CKAP2L: variants seen among roughly 807,000 people sequenced by gnomAD.
CKAP2L encodes the protein cytoskeleton-associated protein 2-like.
CKAP2L carries 42 observed loss-of-function variants against 65.7 expected under a neutral mutation model. That is an observed-to-expected ratio of 0.64 (90% CI 0.50 to 0.83). The LOEUF (loss-of-function observed/expected upper bound fraction) is 0.83. Ranked by LOEUF, CKAP2L falls within the 40% of genes least tolerant of loss-of-function variation. CKAP2L has a pLI of 0.00. For missense variants in CKAP2L, 908 were observed against 871.0 expected (o/e 1.04, Z -0.53); for synonymous variants, 325 against 313.5 (o/e 1.04, Z -0.39).
At chr2:112,759,719 TCA>T (rs1190571995) in intron 3 of CKAP2L, among the ~76,000 whole-genome samples, 4 of 152,186 alleles carry the variant, frequency 2.6e-5, no homozygotes, top group African/African-American at 4.8e-5. Flanking sequence ...TTGCTATCCT[TCA>T]CAGTGTCTAA....
rs567297939 is a variant in CKAP2L, at chr2:112,762,961, T to A, written c.38-392A>T. On this transcript the variant is annotated intron_variant, in intron 1 of 8. Coordinates refer to ENST00000302450, the MANE Select transcript of CKAP2L (RefSeq NM_152515.5). ...ACCATGCTGGATAATTTTAAAAAAATTTTTTGTAGAGACAGGATCTCACTA... is the reference window on the plus strand; with the variant it reads ...ACCATGCTGGATAATTTTAAAAAAAATTTTTGTAGAGACAGGATCTCACTA... Among the ~76,000 whole-genome samples, 12 of 152,128 alleles carry A rather than the reference T, an allele frequency of 7.9e-5. No homozygotes were observed. The South Asian group carries it at 1.5e-3, about 18-fold the overall frequency.
rs1680555904 is a variant in CKAP2L, at chr2:112,756,807, C to G, written c.564G>C (p.Leu188Phe). The G allele has an allele frequency of 6.2e-6, 10 of 1,602,222 alleles. No homozygotes were observed. Among genetic ancestry groups the G allele is most frequent in the Non-Finnish European group, 8.5e-6 (10 of 1,176,754 alleles). Residue 188 changes from leucine (L) to phenylalanine (F), a missense_variant, in exon 4 of 9, where the codon TTG becomes TTC. Leu to Phe is a conservative substitution (Grantham distance 22). Coordinates refer to ENST00000302450, the MANE Select transcript of CKAP2L (RefSeq NM_152515.5). ...NFLKETNKEN[L>F]LDILTEPERK... ...TCTCAGGTTCTGTTAAGATATCGAG[C>G]AAGTTCTCTTTGTTTGTTTCTTTTA...
At position 112,737,890 on chromosome 2, in the gene CKAP2L, T is replaced by G. The variant is rs901910234; in HGVS notation, c.*933A>C. ...AGCAGGAACTAATAGAAATTTAATG[T>G]TGTTTTAAGATAATACTTAAATATT... On this transcript the variant is annotated 3_prime_UTR_variant, in exon 9 of 9. Coordinates refer to ENST00000302450, the MANE Select transcript of CKAP2L (RefSeq NM_152515.5). The G allele has an allele frequency of 7.2e-5, 11 of 152,220 alleles. No individual in the cohort carries two copies. The highest frequency in any genetic ancestry group is 6.5e-4 in the Admixed American group (10 of 15,278). 9.4% of individuals were successfully genotyped at this position (152,220 alleles called of 1,614,324 possible). A position where few individuals can be genotyped will look rare whatever the true frequency, so the allele number is the denominator to read the frequency against.
chr2:112,756,090 G>T lies in CKAP2L; in HGVS notation c.1281C>A (p.Pro427=), dbSNP rs1464756177. 1 of 1,613,970 alleles carries T rather than the reference G, an allele frequency of 6.2e-7. No individual in the cohort carries two copies. Among genetic ancestry groups the T allele is most frequent in the Non-Finnish European group, 8.5e-7 (1 of 1,180,022 alleles). The change falls in exon 4 of 9, where the codon CCC becomes CCA. Residue 427 remains proline (P), a synonymous_variant. Coordinates refer to ENST00000302450, the MANE Select transcript of CKAP2L (RefSeq NM_152515.5). ...TLDSKLKKAV[P]QNHFLNKTAP... is the part of the protein sequence containing the mutation. ...CTGTCTTGTTCAGAAAATGGTTCTG[G>T]GGAACAGCCTTTTTCAACTTGGAGT...
intron 6 of CKAP2L, among the ~76,000 whole-genome samples, chr2:112,745,859 G>C (rs2104867361): frequency 6.6e-6 from 1 of 152,230 alleles, no homozygotes; most frequent in South Asian, 2.1e-4. Flanking sequence ...TCTTCACTCT[G>C]CATAGCTGGA....
chr2:112,759,709 T>C (rs1680659852), intron 3 of CKAP2L, among the ~76,000 whole-genome samples: 1 of 152,222 alleles, frequency 6.6e-6, no homozygotes, highest in African/African-American at 2.4e-5. Context: ...TATATACATT[T>C]TGCTATCCTT....
intron 5 of CKAP2L, among the ~76,000 whole-genome samples, chr2:112,752,046 T>A (rs563091480): frequency 6.6e-6 from 1 of 152,204 alleles, no homozygotes; most frequent in African/African-American, 2.4e-5. Flanking sequence ...ACAGTGGTTA[T>A]GATAATTATG....
intron 1 of CKAP2L, 25 bp from the exon 2 acceptor site, chr2:112,762,594 C>G: frequency 6.3e-7 from 1 of 1,588,184 alleles, no homozygotes; most frequent in East Asian, 2.2e-5. Flanking sequence ...AGCAAACAAA[C>G]GACATAACTT....
rs367788804 is a variant in CKAP2L, at chr2:112,752,431, T to C, written c.1438A>G (p.Lys480Glu). 64 of 1,611,866 alleles carry C rather than the reference T, an allele frequency of 4.0e-5. No homozygotes were observed. The highest frequency in any genetic ancestry group is 8.0e-5 in the African/African-American group (6 of 74,830). Residue 480 changes from lysine (K) to glutamate (E), a missense_variant, in exon 5 of 9, where the codon AAA becomes GAA. Coordinates refer to ENST00000302450, the MANE Select transcript of CKAP2L (RefSeq NM_152515.5). ...GTTTTAAGTTCCATAGGAGGCCGTT[T>C]ATAGGTTTTTCCCTTAGATTTCTGC... ...EWQKSKGKTYKRPPMELKTKR... is the reference protein window; with the variant it reads ...EWQKSKGKTYERPPMELKTKR...
chr2:112,758,127 G>A (rs778132760), intron 3 of CKAP2L, among the ~76,000 whole-genome samples: 8 of 152,124 alleles, frequency 5.3e-5, no homozygotes, highest in Non-Finnish European at 8.8e-5. Context: ...GCCAGGACAG[G>A]GTTTTAAGGT....
rs147301838 is a variant in CKAP2L, at chr2:112,742,766, T to C, written c.1762A>G (p.Ile588Val). The change falls in exon 7 of 9, where the codon ATA becomes GTA. Residue 588 changes from isoleucine (I) to valine (V), a missense_variant. Ile to Val is a conservative substitution (Grantham distance 29, BLOSUM62 3). Coordinates refer to ENST00000302450, the MANE Select transcript of CKAP2L (RefSeq NM_152515.5). Reference sequence around the variant, plus strand: ...AGAACAACTTTCCGCAACTCTTGTATTGGCTGGAAGGAAGGAAGAAAACAT... The same window carrying C: ...AGAACAACTTTCCGCAACTCTTGTACTGGCTGGAAGGAAGGAAGAAAACAT... ...EEAIKNGATPIQELRKVVLNI... is the reference protein window; with the variant it reads ...EEAIKNGATPVQELRKVVLNI... 17 of 1,607,978 alleles carry C rather than the reference T, an allele frequency of 1.1e-5. No individual in the cohort carries two copies. Among genetic ancestry groups the C allele is most frequent in the Non-Finnish European group, 1.4e-5 (17 of 1,177,130 alleles).
Position 112,756,651 on chromosome 2 carries a change from C to G in CKAP2L, c.720G>C (p.Arg240Ser). Residue 240 changes from arginine (R) to serine (S), a missense_variant, in exon 4 of 9, where the codon AGG (arginine) becomes AGC (serine). Transcript: ENST00000302450. ...SSVNSAVLKD[R>S]VNKQFVGETQ... is the part of the protein sequence containing the mutation. ...TTTCTCCAACAAATTGTTTATTAAC[C>G]CTATCTTTCAGAACAGCACTATTAA... 6.2e-7 allele frequency: 1 copy of G among 1,607,278 alleles called. No homozygotes were observed. The highest frequency in any genetic ancestry group is 8.5e-7 in the Non-Finnish European group (1 of 1,177,702).
In CKAP2L at chr2:112,738,792, A is replaced by C. The variant is rs767600827; in HGVS notation, c.*31T>G. On this transcript the variant is annotated 3_prime_UTR_variant, in exon 9 of 9. Transcript: ENST00000302450. ...TATTTCTTGTCTTATGTTGGTTCTGAAACACCTTTTTTAAAAAAAGCATCA... is the reference window on the plus strand; with the variant it reads ...TATTTCTTGTCTTATGTTGGTTCTGCAACACCTTTTTTAAAAAAAGCATCA... 2 of 1,443,928 alleles carry C rather than the reference A, an allele frequency of 1.4e-6. No individual in the cohort carries two copies. Among genetic ancestry groups the C allele is most frequent in the Admixed American group, 1.7e-5 (1 of 59,074 alleles). The allele number at this position is 1,443,928 out of a possible 1,614,324, so 89.4% of individuals were successfully genotyped here.
chr2:112,762,376 C>T (rs1228039816), intron 2 of CKAP2L, 127 bp downstream of exon 2: 11 of 700,972 alleles, frequency 1.6e-5, no homozygotes, highest in South Asian at 3.3e-5. Flanking sequence ...GCTCTTTTTG[C>T]GTTATCATAG....
In CKAP2L at chr2:112,756,635, C is replaced by A. The variant is rs758072975; in HGVS notation, c.736G>T (p.Val246Phe). ...AAAGTCCTGCTTTGTGTTTCTCCAA[C>A]AAATTGTTTATTAACCCTATCTTTC... ...VLKDRVNKQF[V>F]GETQSRTFPV... Residue 246 changes from valine (V) to phenylalanine (F), a missense_variant, in exon 4 of 9, where the codon GTT becomes TTT. By Grantham distance (50) the Val-to-Phe change is conservative (BLOSUM62 -1). Coordinates refer to ENST00000302450, the MANE Select transcript of CKAP2L (RefSeq NM_152515.5). The A allele has an allele frequency of 1.2e-6, 2 of 1,610,268 alleles. No individual in the cohort carries two copies. Among genetic ancestry groups the A allele is most frequent in the Non-Finnish European group, 1.7e-6 (2 of 1,178,852 alleles).
rs1339709476 is a variant in CKAP2L, at chr2:112,742,729, T to G, written c.1799A>C (p.Gln600Pro). Residue 600 changes from glutamine (Q) to proline (P), a missense_variant, in exon 7 of 9, where the codon CAA becomes CCA. Physicochemically the swap from Gln to Pro is moderately conservative, Grantham distance 76 (BLOSUM62 -1). Transcript: ENST00000302450. ...ELRKVVLNIL[Q>P]DSNRTTEGIT... ...ACCTTCTGTGGTTCTGTTTGAGTCTTGCAAGATATTAAGAACAACTTTCCG... is the reference window on the plus strand; with the variant it reads ...ACCTTCTGTGGTTCTGTTTGAGTCTGGCAAGATATTAAGAACAACTTTCCG... The G allele has an allele frequency of 1.2e-6, 2 of 1,607,918 alleles. No homozygotes were observed. The highest frequency in any genetic ancestry group is 1.7e-6 in the Non-Finnish European group (2 of 1,175,970).
rs1211050899 is a variant in CKAP2L, at chr2:112,737,061, G to A, written c.*1762C>T. 2.0e-5 allele frequency: 3 copies of A among 152,102 alleles called. No individual in the cohort carries two copies. The highest frequency in any genetic ancestry group is 4.4e-5 in the Non-Finnish European group (3 of 68,024). 9.4% of individuals were successfully genotyped at this position (152,102 alleles called of 1,614,324 possible). On this transcript the variant is annotated 3_prime_UTR_variant, in exon 9 of 9. Coordinates refer to ENST00000302450, the MANE Select transcript of CKAP2L (RefSeq NM_152515.5). The stretch of plus-strand genomic sequence containing the variant: ...TCTGCCTCAGCCTCCCAAGTAGCTG[G>A]GATTACAGGTGCCCGTCACCATGCC...
intron 4 of CKAP2L, among the ~76,000 whole-genome samples, 183 bp from the exon 5 acceptor site, chr2:112,752,657 G>A (rs910484204): frequency 3.9e-5 from 6 of 152,112 alleles, no homozygotes; most frequent in Non-Finnish European, 7.4e-5. Flanking sequence ...GCCCACCCAC[G>A]AGAAGGCAGA....
intron 4 of CKAP2L, 25 bp from the exon 5 acceptor site, chr2:112,752,499 G>A: frequency 1.4e-6 from 2 of 1,447,464 alleles, no homozygotes; most frequent in Non-Finnish European, 1.9e-6. Context: ...AAGGGAGAGT[G>A]GTTTTATTTA....
Sources: allele counts gnomAD v4.1 joint callset (sites outside exome capture counted in the v4.1 genomes callset), GRCh38; gene constraint gnomAD v4.1.1; transcripts MANE v1.5; gene names NCBI Gene and HGNC (gene_info 2026-07-23, HGNC 2026-07-21).